Variants in ADAMTS16 observed in about 807,000 individuals in gnomAD.
ADAMTS16 encodes ADAM metallopeptidase with thrombospondin type 1 motif 16.
ADAMTS16 carries 94 observed loss-of-function variants against 145.8 expected under a neutral mutation model. That is an observed-to-expected ratio of 0.64 (90% CI 0.55 to 0.77). The LOEUF is 0.77. Among genes scored for constraint, ADAMTS16 ranks in the 30% least tolerant of loss-of-function variants. The probability of loss-of-function intolerance (pLI) is 0.00; values close to 1 mark genes in which losing one functional copy is unlikely to be tolerated. For synonymous variants in ADAMTS16, 659 were observed against 604.3 expected (o/e 1.09, Z -1.33); for missense variants, 1,585 against 1,591.5 (o/e 1.00, Z 0.07).
chr5:5,157,629 A>C lies in ADAMTS16; in HGVS notation c.501+11174A>C, dbSNP rs575923922. Among the ~76,000 whole-genome samples the C allele has an allele frequency of 1.4e-4, 21 of 152,338 alleles. 1 individual carries two copies. In the South Asian group the frequency reaches 4.4e-3, roughly 32 times the overall value. The stretch of plus-strand genomic sequence containing the variant: ...AACATGTCAAGTGAAATGTGTCTTA[A>C]GCAGTTGGTGATTTCTTTTAGTATC... On this transcript the variant is annotated intron_variant, in intron 3 of 22. Transcript: ENST00000274181.
intron 13 of ADAMTS16, among the ~76,000 whole-genome samples, chr5:5,236,093 G>A (rs1737097328): frequency 6.6e-6 from 1 of 152,176 alleles, no homozygotes; most frequent in South Asian, 2.1e-4. Flanking sequence ...AAATGTGTGT[G>A]TATTCCTCCT....
At chr5:5,249,477 C>A (rs1212186826) in intron 17 of ADAMTS16, among the ~76,000 whole-genome samples, 1 of 152,100 alleles carries the variant, frequency 6.6e-6, no homozygotes, top group African/African-American at 2.4e-5. Flanking sequence ...CTCAGCCACC[C>A]TGCTCAATCC....
chr5:5,161,398 G>T (rs1379992734), intron 3 of ADAMTS16, among the ~76,000 whole-genome samples: 2 of 152,152 alleles, frequency 1.3e-5, no homozygotes, highest in Non-Finnish European at 2.9e-5. Flanking sequence ...CTTTGTCAAT[G>T]GTGTGGCTGA....
chr5:5,311,319 A>AAAAAC (rs1740424989), intron 21 of ADAMTS16, among the ~76,000 whole-genome samples: 1 of 67,856 alleles, frequency 1.5e-5, no homozygotes, highest in African/African-American at 5.9e-5. Flanking sequence ...AAAAAAAAAC[A>AAAAAC]AAAAAACAAA....
chr5:5,307,805 T>G (rs1440166298), intron 21 of ADAMTS16, among the ~76,000 whole-genome samples: 6 of 152,152 alleles, frequency 3.9e-5, no homozygotes, highest in Non-Finnish European at 8.8e-5. Context: ...CTCGATGGGG[T>G]CCACACGTGT....
intron 18 of ADAMTS16, among the ~76,000 whole-genome samples, chr5:5,274,153 C>T (rs1034785711): frequency 6.6e-6 from 1 of 152,136 alleles, no homozygotes; most frequent in African/African-American, 2.4e-5. Flanking sequence ...CCACCATCAA[C>T]ATTCCCCACC....
chr5:5,236,578 A>T (rs559904884), intron 13 of ADAMTS16, among the ~76,000 whole-genome samples: 1 of 150,084 alleles, frequency 6.7e-6, no homozygotes, highest in East Asian at 2.0e-4. Flanking sequence ...ATTACATTTT[A>T]TCTGTAAGAA....
chr5:5,208,960 AG>A, intron 9 of ADAMTS16, 132 bp from the exon 10 acceptor site: 1 of 868,484 alleles, frequency 1.2e-6, no homozygotes, highest in Non-Finnish European at 1.7e-6. Flanking sequence ...GTAACTCAGG[AG>A]AAAAAAAGTT....
At chr5:5,253,718 T>C (rs2964413) in intron 17 of ADAMTS16, among the ~76,000 whole-genome samples, 145,573 of 152,226 alleles carry the variant, frequency 0.96, 69,829 homozygotes, top group Non-Finnish European at 1. Context: ...CTTCGAAGAT[T>C]CTCCAATCCA....
chr5:5,267,155 G>A (rs574671366), intron 18 of ADAMTS16, among the ~76,000 whole-genome samples: 8 of 152,250 alleles, frequency 5.3e-5, no homozygotes, highest in African/African-American at 1.4e-4. Context: ...TAGGGGGAGC[G>A]GGCAGATGGG....
chr5:5,253,191 T>C (rs575035871), intron 17 of ADAMTS16, among the ~76,000 whole-genome samples: 2 of 152,334 alleles, frequency 1.3e-5, no homozygotes, highest in Admixed American at 6.5e-5. Flanking sequence ...TGACACAGCC[T>C]CAGAAAGTCC....
At chr5:5,289,823 T>C (rs892742751) in intron 18 of ADAMTS16, among the ~76,000 whole-genome samples, 2 of 152,210 alleles carry the variant, frequency 1.3e-5, no homozygotes, top group Non-Finnish European at 2.9e-5. Flanking sequence ...CTGAAATATT[T>C]ACTATCTGGC....
At chr5:5,169,799 G>A (rs1226492785) in intron 3 of ADAMTS16, among the ~76,000 whole-genome samples, 1 of 152,164 alleles carries the variant, frequency 6.6e-6, no homozygotes, top group African/African-American at 2.4e-5. Context: ...CTGCTCATGT[G>A]CCCTCGGGTT....
At chr5:5,246,259 A>T (rs1035823359) in intron 17 of ADAMTS16, among the ~76,000 whole-genome samples, 1 of 152,194 alleles carries the variant, frequency 6.6e-6, no homozygotes, top group Non-Finnish European at 1.5e-5. Flanking sequence ...ATTGTCCAAC[A>T]TGTATGCTGT....
intron 18 of ADAMTS16, among the ~76,000 whole-genome samples, chr5:5,281,672 G>A (rs973685099): frequency 2.0e-5 from 3 of 152,100 alleles, no homozygotes; most frequent in African/African-American, 4.8e-5. Flanking sequence ...TTTAAAACAT[G>A]TGTAGATGCA....
rs775783890 is a variant in ADAMTS16, at chr5:5,182,141, C to T, written c.599C>T (p.Pro200Leu). The T allele has an allele frequency of 1.9e-6, 3 of 1,614,010 alleles. No homozygotes were observed. Among genetic ancestry groups the T allele is most frequent in the South Asian group, 2.2e-5 (2 of 91,084 alleles). The part of the protein sequence containing the change: ...KLGRAAQGSS[P>L]SHVLYKRSTE... Reference sequence around the variant, plus strand: ...GGCAGAGCTGCCCAAGGCAGCTCGCCATCCCACGTACTGTACAAGAGATCC... The same window carrying T: ...GGCAGAGCTGCCCAAGGCAGCTCGCTATCCCACGTACTGTACAAGAGATCC... The change falls in exon 4 of 23, where the codon CCA becomes CTA. Residue 200 changes from proline to leucine, a missense_variant. Transcript: ENST00000274181.
intron 21 of ADAMTS16, among the ~76,000 whole-genome samples, chr5:5,307,949 A>G (rs904484943): frequency 5.3e-5 from 8 of 152,192 alleles, no homozygotes; most frequent in African/African-American, 1.9e-4. Context: ...AGGGCAGCAG[A>G]ACAAAGACCC....
intron 22 of ADAMTS16, 46 bp from the exon 23 acceptor site, chr5:5,318,977 C>A: frequency 1.4e-6 from 2 of 1,391,234 alleles, no homozygotes; most frequent in Non-Finnish European, 2.0e-6. Context: ...CAACATCAGT[C>A]GCTGCACTCG....
At position 5,266,472 on chromosome 5, in the gene ADAMTS16, C is replaced by T. The variant is rs188732093; in HGVS notation, c.2789+3689C>T. On this transcript the variant is annotated intron_variant, in intron 18 of 22. Transcript: ENST00000274181. ...AAGTCCTTTCCCTAGGACGGGCCTC[C>T]GCCCTACCGCATGGGGAGAATGCTG... 3.3e-4 allele frequency among the ~76,000 whole-genome samples: 51 copies of T among 152,340 alleles called. No homozygotes were observed. The East Asian group carries it at 6.0e-3, about 18-fold the overall frequency.
Sources: allele counts gnomAD v4.1 joint callset (sites outside exome capture counted in the v4.1 genomes callset), GRCh38; gene constraint gnomAD v4.1.1; transcripts MANE v1.5; gene names NCBI Gene and HGNC (gene_info 2026-07-23, HGNC 2026-07-21).